Variants in DISC1 observed in about 807,000 individuals in gnomAD.
The protein encoded by DISC1 is disrupted in schizophrenia 1 protein.
DISC1 carries 57 observed loss-of-function variants against 84.5 expected under a neutral mutation model. That is an observed-to-expected ratio of 0.67 (90% CI 0.55 to 0.84). The LOEUF (loss-of-function observed/expected upper bound fraction) is 0.84, where lower values mean the gene tolerates loss of function less well. Among genes scored for constraint, DISC1 ranks in the 40% least tolerant of loss-of-function variants. DISC1 has a pLI of 0.00. For synonymous variants in DISC1, 411 were observed against 415.2 expected (o/e 0.99, Z 0.12); for missense variants, 1,000 against 1,057.8 (o/e 0.95, Z 0.76).
chr1:231,887,633 GT>G (rs1347134521), intron 9 of DISC1, among the ~76,000 whole-genome samples: 1 of 152,208 alleles, frequency 6.6e-6, no homozygotes. Flanking sequence ...CATTAGTCCA[GT>G]TTTCTGTATT....
intron 1 of DISC1, among the ~76,000 whole-genome samples, chr1:231,627,577 T>G (rs539421801): frequency 4.3e-4 from 65 of 152,328 alleles, no homozygotes; most frequent in African/African-American, 1.6e-3. Context: ...GGAGCGCGGG[T>G]CTCGCTGTCA....
At chr1:231,710,888 T>C (rs2125008615) in intron 3 of DISC1, among the ~76,000 whole-genome samples, 1 of 152,326 alleles carries the variant, frequency 6.6e-6, no homozygotes, top group South Asian at 2.1e-4. Flanking sequence ...GGATATAATT[T>C]AGCCCAAAAC....
In DISC1 at chr1:231,795,228, T is replaced by A; in HGVS notation, c.1635-14T>A. ...TTACCAAGAAGACCAATCTCCTCTT[T>A]TTAATTCTTCCAGCCTCCAGGAAAG... On this transcript the variant is annotated splice_polypyrimidine_tract_variant and intron_variant, in intron 6 of 12. Coordinates refer to ENST00000439617, the MANE Select transcript of DISC1 (RefSeq NM_018662.3). 1 of 1,613,436 alleles carries A rather than the reference T, an allele frequency of 6.2e-7. No individual in the cohort carries two copies. Among genetic ancestry groups the A allele is most frequent in the Non-Finnish European group, 8.5e-7 (1 of 1,179,384 alleles).
chr1:231,629,287 A>G (rs74143893), intron 1 of DISC1: 152 of 152,806 alleles, frequency 9.9e-4, no homozygotes, highest in African/African-American at 3.4e-3. Context: ...CTCATTTGCC[A>G]GAACCCTTAG....
At chr1:231,997,314 A>G (rs561740587) in intron 10 of DISC1, among the ~76,000 whole-genome samples, 34 of 152,334 alleles carry the variant, frequency 2.2e-4, no homozygotes, top group African/African-American at 7.2e-4. Context: ...TAGGAAAGTT[A>G]TAAGCTAGGC....
chr1:231,657,404 T>G (rs1201552341), intron 1 of DISC1, among the ~76,000 whole-genome samples: 1 of 152,200 alleles, frequency 6.6e-6, no homozygotes, highest in Non-Finnish European at 1.5e-5. Flanking sequence ...CGTTTTGTCA[T>G]GTTTGTTGGC....
At chr1:231,683,563 T>G (rs923211797) in intron 1 of DISC1, among the ~76,000 whole-genome samples, 2 of 150,676 alleles carry the variant, frequency 1.3e-5, no homozygotes, top group African/African-American at 4.9e-5. Flanking sequence ...GCATGTAATT[T>G]GCCTGTATTC....
intron 6 of DISC1, among the ~76,000 whole-genome samples, chr1:231,794,334 C>T (rs960370029): frequency 3.3e-5 from 5 of 152,074 alleles, no homozygotes; most frequent in South Asian, 2.1e-4. Flanking sequence ...TAAATTGCTG[C>T]ACAAGTTATT....
chr1:231,658,114 A>G (rs944482261), intron 1 of DISC1, among the ~76,000 whole-genome samples: 2 of 152,228 alleles, frequency 1.3e-5, no homozygotes, highest in Non-Finnish European at 2.9e-5. Context: ...GTTCATGAGC[A>G]TGGAATGTTT....
chr1:231,976,902 C>T (rs568567742), intron 10 of DISC1, among the ~76,000 whole-genome samples: 60 of 152,248 alleles, frequency 3.9e-4, no homozygotes, highest in African/African-American at 1.1e-3. Context: ...ATCTGTGCAT[C>T]GGATAATCTG....
chr1:231,992,445 T>C (rs929042631), intron 10 of DISC1, among the ~76,000 whole-genome samples: 3 of 152,246 alleles, frequency 2.0e-5, no homozygotes, highest in African/African-American at 7.2e-5. Flanking sequence ...AATATTTTTT[T>C]CTAATATGTC....
intron 3 of DISC1, among the ~76,000 whole-genome samples, chr1:231,714,541 T>C (rs1315474532): frequency 6.6e-6 from 1 of 151,766 alleles, no homozygotes. Context: ...CACAGATATG[T>C]ATGAAACAGA....
chr1:231,858,887 G>C (rs2084446089), intron 9 of DISC1, among the ~76,000 whole-genome samples: 4 of 152,180 alleles, frequency 2.6e-5, no homozygotes. Flanking sequence ...ATGAATTTCA[G>C]GGTCACCCTT....
At position 232,038,427 on chromosome 1, in the gene DISC1, T is replaced by C. The variant is rs9729179; in HGVS notation, c.*1596T>C. The C allele has an allele frequency of 0.36, 53,967 of 151,910 alleles. 10,455 individuals are homozygous for C. The highest frequency in any genetic ancestry group is 0.51 in the African/African-American group (21,120 of 41,398). 9.4% of individuals were successfully genotyped at this position (151,910 alleles called of 1,614,324 possible). ...TCTCTAAACAAAGGAGTACCCTCTCTGGTCAAGTACCTTTGGTAAATACAC... is the reference window on the plus strand; with the variant it reads ...TCTCTAAACAAAGGAGTACCCTCTCCGGTCAAGTACCTTTGGTAAATACAC... On this transcript the variant is annotated 3_prime_UTR_variant, in exon 13 of 13. Transcript: ENST00000439617.
chr1:231,697,901 T>C (rs1183604615), intron 2 of DISC1, among the ~76,000 whole-genome samples: 1 of 151,764 alleles, frequency 6.6e-6, no homozygotes, highest in Admixed American at 6.5e-5. Context: ...TAATGCCATC[T>C]TTTTTTACAT....
At chr1:231,800,031 C>T in intron 7 of DISC1, 77 bp from the exon 8 acceptor site, 1 of 1,051,492 alleles carries the variant, frequency 9.5e-7, no homozygotes, top group South Asian at 1.3e-5. Flanking sequence ...ACCCAGAAAT[C>T]TCTGACCTGG....
At chr1:231,797,355 C>T (rs563080336) in intron 7 of DISC1, among the ~76,000 whole-genome samples, 14 of 152,286 alleles carry the variant, frequency 9.2e-5, no homozygotes, top group African/African-American at 3.1e-4. Context: ...TACAGTCCTA[C>T]TCCATTTGAG....
intron 9 of DISC1, among the ~76,000 whole-genome samples, chr1:231,905,725 G>T (rs1400862451): frequency 6.6e-6 from 1 of 152,042 alleles, no homozygotes; most frequent in Non-Finnish European, 1.5e-5. Flanking sequence ...GGGCATGGGG[G>T]ACCCTTTTGT....
intron 9 of DISC1, among the ~76,000 whole-genome samples, chr1:231,834,789 C>T (rs933875015): frequency 1.3e-5 from 2 of 152,218 alleles, no homozygotes; most frequent in Non-Finnish European, 1.5e-5. Flanking sequence ...AAAAGCTGTA[C>T]TTGCCACTAA....
Sources: allele counts gnomAD v4.1 joint callset (sites outside exome capture counted in the v4.1 genomes callset), GRCh38; gene constraint gnomAD v4.1.1; transcripts MANE v1.5; gene names NCBI Gene and HGNC (gene_info 2026-07-23, HGNC 2026-07-21).